The following ZNF804A variants were observed in gnomAD, a reference collection of about 807,000 sequenced individuals.
The protein encoded by ZNF804A is zinc finger protein 804A.
A neutral mutation model predicts 16.5 loss-of-function variants in ZNF804A; 2 were observed. The ratio of observed to expected loss-of-function variants is 0.12; its 90% CI spans 0.05 to 0.38. The LOEUF (loss-of-function observed/expected upper bound fraction) is 0.38, where lower values mean the gene tolerates loss of function less well. ZNF804A is among the 10% of genes least tolerant of loss of function. The pLI, the probability that ZNF804A is intolerant of heterozygous loss-of-function variation, is 0.99. For missense variants in ZNF804A, 1,473 were observed against 1,390.7 expected, an observed-to-expected ratio of 1.06 and a Z score of -0.94; for synonymous variants, 534 against 489.6, an observed-to-expected ratio of 1.09 and a Z score of -1.20.
intron 1 of ZNF804A, among the ~76,000 whole-genome samples, chr2:184,766,264 T>G (rs1350734532): frequency 6.6e-6 from 1 of 152,156 alleles, no homozygotes; most frequent in Non-Finnish European, 1.5e-5. Context: ...ATAAAATGTC[T>G]ATTCAGATGT....
At chr2:184,735,807 A>G (rs1693598246) in intron 1 of ZNF804A, among the ~76,000 whole-genome samples, 1 of 152,186 alleles carries the variant, frequency 6.6e-6, no homozygotes, top group Non-Finnish European at 1.5e-5. Flanking sequence ...GAGGAAAGTA[A>G]GAAAACTATG....
At position 184,733,748 on chromosome 2, in the gene ZNF804A, T is replaced by A. The variant is rs139345980; in HGVS notation, c.112-132621T>A. Among the ~76,000 whole-genome samples the A allele has an allele frequency of 6.5e-3, 995 of 152,292 alleles. 15 individuals carry two copies. The highest frequency in any genetic ancestry group is 0.022 in the African/African-American group (926 of 41,572). ...CTATTCTTGTGTGAATTTTGGCAAG[T>A]TGTGGCTTTTAAAGAAATTGTCCCT... On this transcript the variant is annotated intron_variant, in intron 1 of 3. Transcript: ENST00000302277.
chr2:184,700,591 A>G (rs1692903494), intron 1 of ZNF804A, among the ~76,000 whole-genome samples: 1 of 152,098 alleles, frequency 6.6e-6, no homozygotes, highest in Non-Finnish European at 1.5e-5. Context: ...GTAAGTTTCA[A>G]CCTGTAAATT....
chr2:184,813,449 T>C (rs1021981366), intron 1 of ZNF804A, among the ~76,000 whole-genome samples: 1 of 151,968 alleles, frequency 6.6e-6, no homozygotes, highest in African/African-American at 2.4e-5. Context: ...TAATAGGAAA[T>C]AGGACATTTC....
chr2:184,919,464 A>C (rs1279291837), intron 2 of ZNF804A, among the ~76,000 whole-genome samples: 1 of 152,138 alleles, frequency 6.6e-6, no homozygotes. Flanking sequence ...TCATGAGTTC[A>C]TTGGGCAGTG....
intron 1 of ZNF804A, among the ~76,000 whole-genome samples, chr2:184,683,679 C>CA (rs958842926): frequency 1.3e-5 from 2 of 151,748 alleles, no homozygotes; most frequent in Non-Finnish European, 2.9e-5. Flanking sequence ...GGAAGTGAGA[C>CA]AAAAAAATTG....
At chr2:184,647,400 A>G (rs1691896034) in intron 1 of ZNF804A, among the ~76,000 whole-genome samples, 1 of 152,202 alleles carries the variant, frequency 6.6e-6, no homozygotes, top group Non-Finnish European at 1.5e-5. Context: ...CCTAACCAAA[A>G]TGGAAACTTA....
chr2:184,922,731 T>A (rs1382758532), intron 2 of ZNF804A, among the ~76,000 whole-genome samples: 1 of 151,886 alleles, frequency 6.6e-6, no homozygotes, highest in Admixed American at 6.6e-5. Flanking sequence ...TTTGGTGGGA[T>A]TTTTGCATAT....
chr2:184,603,263 G>A (rs1216866654), intron 1 of ZNF804A, among the ~76,000 whole-genome samples: 1 of 152,090 alleles, frequency 6.6e-6, no homozygotes, highest in Non-Finnish European at 1.5e-5. Context: ...ACATGCTAAG[G>A]AGCATTTTGG....
chr2:184,714,086 TTAAA>T (rs1472100787), intron 1 of ZNF804A, among the ~76,000 whole-genome samples: 1 of 152,050 alleles, frequency 6.6e-6, no homozygotes, highest in Non-Finnish European at 1.5e-5. Context: ...TGTTTTAACT[TTAAA>T]TGCCTCTTAT....
chr2:184,695,493 G>A (rs942382921), intron 1 of ZNF804A, among the ~76,000 whole-genome samples: 968 of 81,276 alleles, frequency 0.012, no homozygotes, highest in African/African-American at 0.037. Context: ...AAAAAAAAAA[G>A]AATGACTTTT....
At chr2:184,683,093 C>T (rs931295586) in intron 1 of ZNF804A, among the ~76,000 whole-genome samples, 2 of 152,010 alleles carry the variant, frequency 1.3e-5, no homozygotes, top group South Asian at 2.1e-4. Flanking sequence ...ATTTGAATTG[C>T]AGCATGTATT....
At chr2:184,744,014 A>C (rs1019797174) in intron 1 of ZNF804A, among the ~76,000 whole-genome samples, 2 of 151,970 alleles carry the variant, frequency 1.3e-5, no homozygotes, top group African/African-American at 2.4e-5. Flanking sequence ...GTAATATCTT[A>C]TTTTAAATAA....
intron 1 of ZNF804A, among the ~76,000 whole-genome samples, chr2:184,720,904 G>T (rs1283499710): frequency 6.6e-6 from 1 of 152,056 alleles, no homozygotes; most frequent in East Asian, 1.9e-4. Context: ...GATACATAAA[G>T]CAATGCAATA....
At chr2:184,885,697 C>T (rs189856484) in intron 2 of ZNF804A, among the ~76,000 whole-genome samples, 96 of 152,252 alleles carry the variant, frequency 6.3e-4, no homozygotes, top group African/African-American at 2.0e-3. Context: ...GTGCTACTTA[C>T]ATGGCGGCAG....
chr2:184,801,270 G>A (rs1384757872), intron 1 of ZNF804A, among the ~76,000 whole-genome samples: 1 of 152,074 alleles, frequency 6.6e-6, no homozygotes, highest in African/African-American at 2.4e-5. Flanking sequence ...ATGCTTAAGT[G>A]TAGAAGTTTT....
chr2:184,730,754 G>A (rs918209752), intron 1 of ZNF804A, among the ~76,000 whole-genome samples: 4 of 151,350 alleles, frequency 2.6e-5, no homozygotes, highest in African/African-American at 9.7e-5. Flanking sequence ...GATGTGCCAT[G>A]GTTTATTTGT....
At chr2:184,859,584 C>A (rs2105807943) in intron 1 of ZNF804A, among the ~76,000 whole-genome samples, 1 of 152,224 alleles carries the variant, frequency 6.6e-6, no homozygotes, top group African/African-American at 2.4e-5. Context: ...CTTTCTCAAG[C>A]AGTTTTTATA....
intron 3 of ZNF804A, among the ~76,000 whole-genome samples, chr2:184,935,040 G>C (rs777081565): frequency 7.9e-5 from 12 of 152,060 alleles, no homozygotes; most frequent in Non-Finnish European, 1.3e-4. Context: ...TAAGGATAAG[G>C]TTTAGGGTTT....
Sources: gnomAD v4.1 joint callset for allele counts (sites outside exome capture counted in the v4.1 genomes callset) on GRCh38, gnomAD v4.1.1 for gene constraint, MANE v1.5 for transcripts, NCBI Gene and HGNC (gene_info 2026-07-23, HGNC 2026-07-21) for gene names.